The following TUT4 variants were observed in gnomAD, a reference collection of about 807,000 sequenced individuals.
The protein encoded by TUT4 is terminal uridylyl transferase 4, also known as terminal uridylyltransferase 4.
TUT4 carries 36 observed loss-of-function variants against 192.2 expected under a neutral mutation model. The ratio of observed to expected loss-of-function variants is 0.19; its 90% CI spans 0.14 to 0.25. TUT4 has a LOEUF of 0.25. Ranked by LOEUF, TUT4 falls within the 10% of genes least tolerant of loss-of-function variation. The pLI, the probability that TUT4 is intolerant of heterozygous loss-of-function variation, is 1.00. For missense variants in TUT4, 1,493 were observed against 1,957.2 expected (o/e 0.76, Z 4.47); for synonymous variants, 618 against 666.0 (o/e 0.93, Z 1.11).
chr1:52,424,254 T>G (rs973861829), intron 29 of TUT4: 1 of 473,092 alleles, frequency 2.1e-6, no homozygotes, highest in Non-Finnish European at 3.8e-6. Context: ...AGAAAAGAGT[T>G]GCAGACTCTC....
In TUT4 at chr1:52,457,576, G is replaced by A. The variant is rs1032440185; in HGVS notation, c.3435+760C>T. ...CTTTGCCATAACTATCAAAGATTAT[G>A]TGAAACCAGAATATGTGACTTTTCC... On this transcript the variant is annotated intron_variant, in intron 20 of 29. Transcript: ENST00000257177. Among the ~76,000 whole-genome samples the A allele has an allele frequency of 3.9e-5, 6 of 152,146 alleles. No homozygotes were observed. In the South Asian group the frequency reaches 1.0e-3, roughly 26 times the overall value.
Position 52,425,428 on chromosome 1 carries a change from C to T in TUT4, c.4791G>A (p.Ser1597=), listed in dbSNP as rs760026837. 5.0e-6 allele frequency: 8 copies of T among 1,613,756 alleles called. No individual in the cohort carries two copies. Among genetic ancestry groups the T allele is most frequent in the South Asian group, 1.1e-5 (1 of 91,060 alleles). Residue 1597 remains serine (S), a synonymous_variant, in exon 29 of 30, where the codon TCG becomes TCA. Transcript: ENST00000257177. ...AGTTTTGATGCAAACCATAAGGCCA[C>T]GAAGCTGGGACAAGGGGGAAATGGG... ...PRPHFPLVPA[S]WPYGLHQNFM...
Position 52,495,799 on chromosome 1 carries a change from T to C in TUT4, c.1178-284A>G, listed in dbSNP as rs183210247. ...ATTTAGAAATGACTGACAATATGTT[T>C]AGCATTCAATATATAACAGTAACTA... is the stretch of plus-strand genomic sequence containing the variant. On this transcript the variant is annotated intron_variant, in intron 5 of 29. Transcript: ENST00000257177. 6.6e-5 allele frequency among the ~76,000 whole-genome samples: 10 copies of C among 152,288 alleles called. No homozygotes were observed. The East Asian group carries it at 1.7e-3, about 26-fold the overall frequency.
chr1:52,503,356 AG>A (rs1674684476), intron 4 of TUT4, among the ~76,000 whole-genome samples: 1 of 152,190 alleles, frequency 6.6e-6, no homozygotes, highest in Non-Finnish European at 1.5e-5. Flanking sequence ...AACTGTGATA[AG>A]AACTTTACTC....
At chr1:52,468,538 A>C in intron 14 of TUT4, 1 of 300,072 alleles carries the variant, frequency 3.3e-6, no homozygotes, top group South Asian at 4.7e-5. Flanking sequence ...TCACATGATC[A>C]TTTTCCGTAT....
chr1:52,539,737 T>A (rs944063402), intron 1 of TUT4, among the ~76,000 whole-genome samples: 9 of 151,338 alleles, frequency 5.9e-5, no homozygotes, highest in African/African-American at 2.2e-4. Context: ...TGAAACCCTG[T>A]CTCTACCAAA....
intron 25 of TUT4, chr1:52,437,790 CTA>C (rs2148290010): frequency 6.5e-6 from 1 of 154,508 alleles, no homozygotes; most frequent in South Asian, 2.0e-4. Context: ...TCCATCTCTA[CTA>C]AAGATACAAA....
chr1:52,498,966 T>G (rs1673351958), intron 4 of TUT4, among the ~76,000 whole-genome samples: 1 of 102,600 alleles, frequency 9.7e-6, no homozygotes, highest in African/African-American at 3.9e-5. Flanking sequence ...ATATGACATT[T>G]TTCACAGAAA....
At chr1:52,459,380 A>G (rs1661887354) in intron 19 of TUT4, among the ~76,000 whole-genome samples, 1 of 152,050 alleles carries the variant, frequency 6.6e-6, no homozygotes. Flanking sequence ...CTTGAGCCCA[A>G]GAGTTCAAGA....
intron 9 of TUT4, among the ~76,000 whole-genome samples, chr1:52,486,967 CA>C (rs1452238194): frequency 6.6e-6 from 1 of 151,816 alleles, no homozygotes; most frequent in South Asian, 2.1e-4. Flanking sequence ...TTTATGACCA[CA>C]AAAAAAATTA....
At chr1:52,464,994 T>C in intron 16 of TUT4, 76 bp downstream of exon 16, 1 of 1,123,502 alleles carries the variant, frequency 8.9e-7, no homozygotes, top group East Asian at 2.6e-5. Context: ...TTTTTATCAA[T>C]ATCACATACA....
chr1:52,495,970 T>C (rs750001899), intron 5 of TUT4, among the ~76,000 whole-genome samples: 1 of 152,264 alleles, frequency 6.6e-6, no homozygotes, highest in African/African-American at 2.4e-5. Flanking sequence ...CAGTTAATTC[T>C]GTAAACCTAA....
chr1:52,532,412 T>C (rs1001142556), intron 1 of TUT4, among the ~76,000 whole-genome samples: 4 of 151,980 alleles, frequency 2.6e-5, no homozygotes, highest in African/African-American at 9.7e-5. Flanking sequence ...ACTGCAGCCT[T>C]GACCCCTGGG....
At chr1:52,505,980 A>C (rs1210729058) in intron 4 of TUT4, among the ~76,000 whole-genome samples, 4 of 151,280 alleles carry the variant, frequency 2.6e-5, no homozygotes, top group African/African-American at 7.3e-5. Context: ...CACGATGCCC[A>C]GCTAATTTTT....
chr1:52,459,194 G>A (rs1442158901), intron 19 of TUT4, among the ~76,000 whole-genome samples: 6 of 152,158 alleles, frequency 3.9e-5, no homozygotes, highest in Non-Finnish European at 8.8e-5. Flanking sequence ...GCTGAGGCAG[G>A]AGAATGGCGT....
At chr1:52,499,660 G>A (rs542435329) in intron 4 of TUT4, among the ~76,000 whole-genome samples, 12 of 152,258 alleles carry the variant, frequency 7.9e-5, no homozygotes, top group Admixed American at 7.2e-4. Context: ...CTTGAGCCCC[G>A]GAGGTGGAGG....
At chr1:52,438,137 A>ATT in intron 25 of TUT4, 83 bp downstream of exon 25, 2 of 1,104,842 alleles carry the variant, frequency 1.8e-6, no homozygotes, top group Non-Finnish European at 2.7e-6. Flanking sequence ...TTTCTCAGTT[A>ATT]AACATTTCTG....
Position 52,471,828 on chromosome 1 carries a change from TG to T in TUT4, c.2878+123del, listed in dbSNP as rs1665858583. On this transcript the variant is annotated intron_variant, in intron 14 of 29. Coordinates refer to ENST00000257177, the MANE Select transcript of TUT4 (RefSeq NM_001009881.3). Reference sequence around the variant, plus strand: ...TAGTCATTTAGTAAATATCTGTGCTTGGGTATCTATTCAAAAACCTCTAGCA... The same window carrying T: ...TAGTCATTTAGTAAATATCTGTGCTTGGTATCTATTCAAAAACCTCTAGCA... 4.1e-6 allele frequency: 4 copies of T among 970,350 alleles called. No homozygotes were observed. In the Admixed American group the frequency reaches 8.7e-5, roughly 21 times the overall value. The allele number at this position is 970,350 out of a possible 1,614,324, so 60.1% of individuals were successfully genotyped here. A position where few individuals can be genotyped will look rare whatever the true frequency, so the allele number is the denominator to read the frequency against.
chr1:52,477,992 A>G, intron 11 of TUT4, 110 bp from the exon 12 acceptor site: 1 of 1,074,730 alleles, frequency 9.3e-7, no homozygotes, highest in Non-Finnish European at 1.3e-6. Context: ...TGAGACATGA[A>G]GGAGTAATTT....
Sources: allele counts gnomAD v4.1 joint callset (sites outside exome capture counted in the v4.1 genomes callset), GRCh38; gene constraint gnomAD v4.1.1; transcripts MANE v1.5; gene names NCBI Gene and HGNC (gene_info 2026-07-23, HGNC 2026-07-21).